Variants in ASIC2 observed in about 807,000 individuals in gnomAD.
ASIC2 encodes acid sensing ion channel subunit 2, also known as acid-sensing ion channel 2.
In ASIC2, 25 loss-of-function variants were observed where a neutral mutation model predicts 57.3. The observed-to-expected ratio is 0.44, with a 90% CI of 0.32 to 0.61. ASIC2 has a LOEUF of 0.61. Ranked by LOEUF, ASIC2 falls within the 20% of genes least tolerant of loss-of-function variation. ASIC2 has a pLI of 0.06. For missense variants in ASIC2, 641 were observed against 738.1 expected (o/e 0.87, Z 1.52); for synonymous variants, 319 against 307.5 (o/e 1.04, Z -0.39).
At chr17:33,875,035 C>T (rs1651988017) in intron 1 of ASIC2, among the ~76,000 whole-genome samples, 1 of 152,150 alleles carries the variant, frequency 6.6e-6, no homozygotes. Context: ...AGGGATCATG[C>T]ATTTGAGCCA....
rs185346125 is a variant in ASIC2 at position 33,922,190 on chromosome 17, C to T, written c.555+233788G>A. On this transcript the variant is annotated intron_variant, in intron 1 of 9. Transcript: ENST00000359872. ...TTGGTGATTAAGACCAGTATTGAATCCTTGCTCGGCTGCTTGTTAGTGGTG... is the reference window on the plus strand; with the variant it reads ...TTGGTGATTAAGACCAGTATTGAATTCTTGCTCGGCTGCTTGTTAGTGGTG... Among the ~76,000 whole-genome samples, 22 of 152,284 alleles carry T rather than the reference C, an allele frequency of 1.4e-4. No homozygotes were observed. In the East Asian group the frequency reaches 4.3e-3, roughly 29 times the overall value.
intron 1 of ASIC2, among the ~76,000 whole-genome samples, chr17:33,773,103 A>G (rs1241801793): frequency 2.0e-5 from 3 of 152,202 alleles, no homozygotes; most frequent in Admixed American, 1.3e-4. Context: ...CTCCTGACAC[A>G]TTATACCAGA....
At chr17:34,131,716 T>C (rs541303754) in intron 1 of ASIC2, among the ~76,000 whole-genome samples, 12 of 152,372 alleles carry the variant, frequency 7.9e-5, no homozygotes, top group African/African-American at 2.9e-4. Flanking sequence ...TTTCAGTCTG[T>C]GGCTCTGCGT....
chr17:33,606,606 A>G lies in ASIC2; in HGVS notation c.556-494539T>C, dbSNP rs546535113. Among the ~76,000 whole-genome samples, 11 of 152,268 alleles carry G rather than the reference A, an allele frequency of 7.2e-5. No homozygotes were observed. In the South Asian group the frequency reaches 8.3e-4, roughly 12 times the overall value. On this transcript the variant is annotated intron_variant, in intron 1 of 9. Transcript: ENST00000359872. ...TAATGTGGTCTGTGCTTCTTCTCCA[A>G]CTACACTGTTGAGGGCATGGCAGTG... is the stretch of plus-strand genomic sequence containing the variant.
At chr17:33,533,239 G>A (rs1317453657) in intron 1 of ASIC2, among the ~76,000 whole-genome samples, 14 of 152,122 alleles carry the variant, frequency 9.2e-5, no homozygotes, top group Admixed American at 9.2e-4. Context: ...CCAGCTACTA[G>A]GGAGGCTGAG....
At chr17:34,025,298 A>G (rs1907332424) in intron 1 of ASIC2, among the ~76,000 whole-genome samples, 1 of 152,214 alleles carries the variant, frequency 6.6e-6, no homozygotes, top group Admixed American at 6.5e-5. Context: ...TTAAAGAATC[A>G]GATTAGTTCC....
chr17:33,989,799 A>G (rs1905945892), intron 1 of ASIC2, among the ~76,000 whole-genome samples: 1 of 152,196 alleles, frequency 6.6e-6, no homozygotes, highest in Non-Finnish European at 1.5e-5. Flanking sequence ...CAAATATAGA[A>G]AACTCGTATT....
intron 1 of ASIC2, among the ~76,000 whole-genome samples, chr17:33,350,346 G>A (rs561303134): frequency 3.9e-5 from 6 of 152,248 alleles, no homozygotes; most frequent in South Asian, 2.1e-4. Flanking sequence ...CTGTGTTCAC[G>A]ATCCTTGGGC....
At chr17:34,103,168 G>A (rs938449188) in intron 1 of ASIC2, among the ~76,000 whole-genome samples, 67 of 152,048 alleles carry the variant, frequency 4.4e-4, no homozygotes, top group Non-Finnish European at 4.1e-4. Flanking sequence ...TGGGAGGGGG[G>A]ACAGTCTCAT....
chr17:33,840,579 A>G (rs953756426), intron 1 of ASIC2, among the ~76,000 whole-genome samples: 2 of 152,270 alleles, frequency 1.3e-5, no homozygotes, highest in African/African-American at 4.8e-5. Context: ...TGAAATCTTT[A>G]AGCTGTTAAT....
chr17:33,851,361 G>C (rs1485785385), intron 1 of ASIC2, among the ~76,000 whole-genome samples: 1 of 152,116 alleles, frequency 6.6e-6, no homozygotes, highest in Non-Finnish European at 1.5e-5. Flanking sequence ...GGCAATGATG[G>C]GGGAGTAGCC....
At chr17:33,144,294 G>A (rs1328740524) in intron 1 of ASIC2, among the ~76,000 whole-genome samples, 2 of 152,148 alleles carry the variant, frequency 1.3e-5, no homozygotes, top group Non-Finnish European at 2.9e-5. Flanking sequence ...AATGAGGGCA[G>A]AAGAGGGGGC....
intron 8 of ASIC2, among the ~76,000 whole-genome samples, chr17:33,016,979 C>T (rs199681080): frequency 1.4e-5 from 2 of 144,142 alleles, no homozygotes. Flanking sequence ...AGGCTGACCC[C>T]AGCTCTGGGA....
At chr17:33,958,975 A>C (rs185313318) in intron 1 of ASIC2, among the ~76,000 whole-genome samples, 1 of 152,296 alleles carries the variant, frequency 6.6e-6, no homozygotes, top group Non-Finnish European at 1.5e-5. Context: ...TCTCTAGGGC[A>C]GGGACAAAAT....
At chr17:33,399,961 G>T (rs1403232554) in intron 1 of ASIC2, among the ~76,000 whole-genome samples, 3 of 152,200 alleles carry the variant, frequency 2.0e-5, no homozygotes, top group South Asian at 4.1e-4. Context: ...AACTTCCCAA[G>T]AAATTTCTCT....
intron 1 of ASIC2, among the ~76,000 whole-genome samples, chr17:33,629,430 C>T (rs569711032): frequency 9.9e-5 from 15 of 152,192 alleles, no homozygotes; most frequent in South Asian, 6.2e-4. Flanking sequence ...AAGAATCTGA[C>T]GGAAATCAGA....
chr17:33,983,964 G>T (rs1463980945), intron 1 of ASIC2, among the ~76,000 whole-genome samples: 1 of 152,148 alleles, frequency 6.6e-6, no homozygotes, highest in Non-Finnish European at 1.5e-5. Flanking sequence ...TGGCAAGCTT[G>T]GGCCCTGGCA....
Position 33,132,308 on chromosome 17 carries a change from C to T in ASIC2, c.709-20241G>A, listed in dbSNP as rs191394984. 1.9e-3 allele frequency among the ~76,000 whole-genome samples: 284 copies of T among 152,316 alleles called. 1 individual carries two copies. The highest frequency in any genetic ancestry group is 6.6e-3 in the African/African-American group (276 of 41,568). On this transcript the variant is annotated intron_variant, in intron 1 of 9. Coordinates refer to ENST00000225823, the MANE Select transcript of ASIC2 (RefSeq NM_183377.2). ...GGTAGTTAGTGAATTTCCCTTGCTT[C>T]AGTTCTTCCTGGTATTACCCTCCAT...
chr17:33,044,218 T>TCCAC (rs2091941519), intron 3 of ASIC2, among the ~76,000 whole-genome samples: 1 of 151,880 alleles, frequency 6.6e-6, no homozygotes, highest in Non-Finnish European at 1.5e-5. Context: ...TGTCCATCCA[T>TCCAC]CCACCCACCC....
Sources: allele counts gnomAD v4.1 joint callset (sites outside exome capture counted in the v4.1 genomes callset), GRCh38; gene constraint gnomAD v4.1.1; transcripts MANE v1.5; gene names NCBI Gene and HGNC (gene_info 2026-07-23, HGNC 2026-07-21).